EPHX2: variants seen among roughly 807,000 people sequenced by gnomAD.
EPHX2 encodes bifunctional epoxide hydrolase 2.
In EPHX2, 74 loss-of-function variants were observed where a neutral mutation model predicts 78.7. The observed-to-expected ratio is 0.94, with a 90% CI of 0.78 to 1.14. The LOEUF is 1.14. Among genes scored for constraint, EPHX2 ranks in the 50% most tolerant of loss-of-function variants. The pLI is 0.00. For missense variants in EPHX2, 715 were observed against 702.5 expected, an observed-to-expected ratio of 1.02 and a Z score of -0.20; for synonymous variants, 251 against 255.2, an observed-to-expected ratio of 0.98 and a Z score of 0.16.
intron 12 of EPHX2, among the ~76,000 whole-genome samples, chr8:27,535,363 C>T (rs963358258): frequency 9.2e-5 from 14 of 152,052 alleles, no homozygotes; most frequent in African/African-American, 2.7e-4. Flanking sequence ...TTGGTAGAGA[C>T]GGGGTTTTAC....
intron 9 of EPHX2, among the ~76,000 whole-genome samples, chr8:27,518,474 A>T (rs557380591): frequency 4.3e-4 from 65 of 152,352 alleles, no homozygotes; most frequent in African/African-American, 1.6e-3. Context: ...ACCAGCATGG[A>T]ATTCCTGCTC....
intron 15 of EPHX2, 94 bp from the exon 16 acceptor site, chr8:27,541,379 G>A (rs931051752): frequency 1.5e-6 from 2 of 1,331,362 alleles, no homozygotes; most frequent in Non-Finnish European, 2.1e-6. Context: ...CTCTTCCCAG[G>A]ACGACTGGCT....
intron 2 of EPHX2, among the ~76,000 whole-genome samples, chr8:27,503,147 G>A (rs185373534): frequency 6.6e-6 from 1 of 152,344 alleles, no homozygotes; most frequent in East Asian, 1.9e-4. Context: ...AAGACAGCAA[G>A]AAGGTGCCAT....
chr8:27,505,958 TTC>T (rs750351148), intron 4 of EPHX2, among the ~76,000 whole-genome samples: 10 of 152,182 alleles, frequency 6.6e-5, no homozygotes, highest in Non-Finnish European at 1.5e-4. Flanking sequence ...AGGATTTTTC[TTC>T]TCTTTTTATT....
intron 1 of EPHX2, among the ~76,000 whole-genome samples, chr8:27,497,374 C>T (rs778607640): frequency 2.0e-5 from 3 of 152,166 alleles, no homozygotes; most frequent in African/African-American, 7.2e-5. Flanking sequence ...TTAAAGTGTC[C>T]TTGCAAAGCA....
At chr8:27,511,932 G>C in intron 6 of EPHX2, 22 bp downstream of exon 6, 2 of 1,612,340 alleles carry the variant, frequency 1.2e-6, no homozygotes, top group Non-Finnish European at 1.7e-6. Context: ...TTGTCTCTCA[G>C]TCGGCTAAGT....
Position 27,511,867 on chromosome 8 carries a change from C to G in EPHX2, c.692C>G (p.Ser231Cys). The G allele has an allele frequency of 2.5e-6, 4 of 1,614,200 alleles. No homozygotes were observed. Among genetic ancestry groups the G allele is most frequent in the Non-Finnish European group, 3.4e-6 (4 of 1,180,034 alleles). The change falls in exon 6 of 19, where the codon TCT becomes TGT. Residue 231 changes from serine to cysteine, a missense_variant. Transcript: ENST00000521400. ...LLNTPAPLPT[S>C]CNPSDMSHGY... ...AATACCCCGGCCCCTCTGCCGACCT[C>G]TTGCAATCCAAGTGACATGAGCCAT...
In EPHX2 at chr8:27,540,568, A is replaced by G. The variant is rs775534758; in HGVS notation, c.1291A>G (p.Asn431Asp). Residue 431 changes from asparagine to aspartate, a missense_variant, in exon 15 of 19, where the codon AAT becomes GAT. Coordinates refer to ENST00000521400, the MANE Select transcript of EPHX2 (RefSeq NM_001979.6). ...TTTTTTTGCAGGAGGACTTTTTGTA[A>G]ATAGCCCAGAAGAGCCCAGCCTCAG... Reference protein sequence around the residue: ...KVCEAGGLFVNSPEEPSLSRM... With the variant: ...KVCEAGGLFVDSPEEPSLSRM... 2.9e-5 allele frequency: 47 copies of G among 1,614,050 alleles called. No individual in the cohort carries two copies. Among genetic ancestry groups the G allele is most frequent in the Non-Finnish European group, 3.5e-5 (41 of 1,180,018 alleles).
chr8:27,545,756 G>A (rs907865957), downstream of EPHX2, among the ~76,000 whole-genome samples: 1 of 152,188 alleles, frequency 6.6e-6, no homozygotes, highest in African/African-American at 2.4e-5. Flanking sequence ...GCTTGCGAGA[G>A]AAAGTGGTCC....
In EPHX2 at chr8:27,544,692, C is replaced by T; in HGVS notation, c.*170C>T. On this transcript the variant is annotated 3_prime_UTR_variant, in exon 19 of 19. Coordinates refer to ENST00000521400, the MANE Select transcript of EPHX2 (RefSeq NM_001979.6). ...TTTACATAAAGTGAATCAAATTTGA[C>T]ATTATTTTAGATCCCAGAGAAATCA... 1 of 662,694 alleles carries T rather than the reference C, an allele frequency of 1.5e-6. No individual in the cohort carries two copies. Among genetic ancestry groups the T allele is most frequent in the Non-Finnish European group, 2.6e-6 (1 of 388,402 alleles). 41.1% of individuals were successfully genotyped at this position (662,694 alleles called of 1,614,324 possible). A position where few individuals can be genotyped will look rare whatever the true frequency, so the allele number is the denominator to read the frequency against.
intron 12 of EPHX2, among the ~76,000 whole-genome samples, chr8:27,535,018 AAC>A (rs1815167001): frequency 6.6e-6 from 1 of 152,188 alleles, no homozygotes; most frequent in Non-Finnish European, 1.5e-5. Context: ...CCGCTCAGAA[AAC>A]ACATGCAGAA....
chr8:27,505,295 CT>C, intron 4 of EPHX2, 149 bp downstream of exon 4: 3 of 766,644 alleles, frequency 3.9e-6, no homozygotes, highest in Non-Finnish European at 6.3e-6. Flanking sequence ...TCCTAGAAGA[CT>C]GTTACCCATT....
intron 1 of EPHX2, among the ~76,000 whole-genome samples, chr8:27,499,356 T>C (rs1283293933): frequency 6.6e-6 from 1 of 152,174 alleles, no homozygotes; most frequent in East Asian, 1.9e-4. Context: ...CCAACAACTG[T>C]TGGCAAAGGT....
At chr8:27,518,163 G>A (rs527622076) in intron 9 of EPHX2, 91 bp downstream of exon 9, 1 of 1,102,186 alleles carries the variant, frequency 9.1e-7, no homozygotes, top group African/African-American at 1.6e-5. Flanking sequence ...TTTTAGGGAA[G>A]CATCATTTCA....
intron 5 of EPHX2, among the ~76,000 whole-genome samples, chr8:27,507,653 A>G (rs1337143697): frequency 2.6e-5 from 4 of 152,228 alleles, no homozygotes; most frequent in African/African-American, 9.6e-5. Context: ...CCAAGGATGC[A>G]CAGCCATTGC....
At chr8:27,534,148 C>G (rs920102683) in intron 12 of EPHX2, among the ~76,000 whole-genome samples, 1 of 152,212 alleles carries the variant, frequency 6.6e-6, no homozygotes, top group Non-Finnish European at 1.5e-5. Flanking sequence ...CTGTGGCATT[C>G]ATCATCATGT....
chr8:27,540,611 A>G lies in EPHX2; in HGVS notation c.1334A>G (p.Glu445Gly), dbSNP rs775546225. 6.8e-6 allele frequency: 11 copies of G among 1,614,150 alleles called. No individual in the cohort carries two copies. The highest frequency in any genetic ancestry group is 9.3e-6 in the Non-Finnish European group (11 of 1,180,026). The change falls in exon 15 of 19, where the codon GAG becomes GGG. Residue 445 changes from glutamate (E) to glycine (G), a missense_variant. Physicochemically the swap from Glu to Gly is moderately conservative, Grantham distance 98. Transcript: ENST00000521400. The part of the protein sequence containing the change: ...EPSLSRMVTE[E>G]EIQFYVQQFK... ...AGCCTCAGCAGGATGGTCACTGAGG[A>G]GGAAATCCAGTTCTATGTGCAGCAG... is the stretch of plus-strand genomic sequence containing the variant.
chr8:27,541,187 T>C (rs1815387434), intron 15 of EPHX2, among the ~76,000 whole-genome samples: 1 of 152,138 alleles, frequency 6.6e-6, no homozygotes, highest in Non-Finnish European at 1.5e-5. Context: ...CACGATGACA[T>C]TCCCTGGAGG....
intron 15 of EPHX2, 55 bp downstream of exon 15, chr8:27,540,711 C>T (rs1815371310): frequency 6.5e-7 from 1 of 1,547,846 alleles, no homozygotes; most frequent in Non-Finnish European, 8.9e-7. Flanking sequence ...AGATAGGGAT[C>T]TTCAGCCCTC....
Sources: allele counts gnomAD v4.1 joint callset (sites outside exome capture counted in the v4.1 genomes callset), GRCh38; gene constraint gnomAD v4.1.1; transcripts MANE v1.5; gene names NCBI Gene and HGNC (gene_info 2026-07-23, HGNC 2026-07-21).